Variants in DTD1 observed in about 807,000 individuals in gnomAD.
DTD1 encodes the protein D-aminoacyl-tRNA deacylase 1, also known as D-tyrosyl-tRNA deacylase 1 homolog.
DTD1 carries 13 observed loss-of-function variants against 25.6 expected under a neutral mutation model. The observed-to-expected ratio is 0.51, with a 90% CI of 0.33 to 0.81. The LOEUF is 0.81. Among genes scored for constraint, DTD1 ranks in the 30% least tolerant of loss-of-function variants. DTD1 has a pLI of 0.02. For missense variants in DTD1, 193 were observed against 266.4 expected (o/e 0.72, Z 1.92); for synonymous variants, 110 against 103.6 (o/e 1.06, Z -0.37).
At chr20:18,672,198 C>T (rs1356347318) in intron 4 of DTD1, among the ~76,000 whole-genome samples, 1 of 152,138 alleles carries the variant, frequency 6.6e-6, no homozygotes, top group Non-Finnish European at 1.5e-5. Flanking sequence ...TGCACTACTG[C>T]ACTCTAGCCC....
chr20:18,641,167 A>G (rs769993492), intron 4 of DTD1, among the ~76,000 whole-genome samples: 17 of 152,340 alleles, frequency 1.1e-4, no homozygotes, highest in Admixed American at 5.2e-4. Flanking sequence ...TTATGTTCAT[A>G]GCATGTGTCA....
At chr20:18,695,496 T>TTC (rs2061070448) in intron 4 of DTD1, among the ~76,000 whole-genome samples, 3 of 50,086 alleles carry the variant, frequency 6.0e-5, no homozygotes, top group African/African-American at 1.2e-4. Flanking sequence ...CTTCCTTTCC[T>TTC]TTCCCTTCCC....
intron 4 of DTD1, among the ~76,000 whole-genome samples, chr20:18,712,536 C>T (rs1052641051): frequency 1.3e-5 from 2 of 152,128 alleles, no homozygotes; most frequent in African/African-American, 4.8e-5. Context: ...ATCATTGGAT[C>T]ATAAGTCAGC....
At chr20:18,600,172 GTCA>G (rs1383060090) in intron 3 of DTD1, among the ~76,000 whole-genome samples, 1 of 152,102 alleles carries the variant, frequency 6.6e-6, no homozygotes, top group African/African-American at 2.4e-5. Context: ...TATCTAAAAA[GTCA>G]TCATCCTACC....
chr20:18,647,947 A>G (rs2060856332), intron 4 of DTD1, among the ~76,000 whole-genome samples: 1 of 152,108 alleles, frequency 6.6e-6, no homozygotes, highest in African/African-American at 2.4e-5. Context: ...GGTGTCATCA[A>G]CCTAGATGGG....
At chr20:18,681,990 C>G (rs1000930992) in intron 4 of DTD1, among the ~76,000 whole-genome samples, 5 of 152,148 alleles carry the variant, frequency 3.3e-5, no homozygotes, top group African/African-American at 1.2e-4. Context: ...GGCAGCGGTG[C>G]CACTAGCCAT....
At chr20:18,728,307 C>G (rs75514714) in intron 4 of DTD1, among the ~76,000 whole-genome samples, 2,918 of 152,268 alleles carry the variant, frequency 0.019, 52 homozygotes, top group South Asian at 0.044. Flanking sequence ...ACAGCAAGAC[C>G]TGGCTGGGGG....
rs529565912 is a variant in DTD1, at chr20:18,592,880, G to A, written c.44-851G>A. Reference sequence around the variant, plus strand: ...GTATTTTTATTAGAGATGGGATTTCGCCATGTTGGCCAAGCTGGTCTCGAA... The same window carrying A: ...GTATTTTTATTAGAGATGGGATTTCACCATGTTGGCCAAGCTGGTCTCGAA... On this transcript the variant is annotated intron_variant, in intron 1 of 5. Transcript: ENST00000377452. Among the ~76,000 whole-genome samples, 175 of 151,826 alleles carry A rather than the reference G, an allele frequency of 1.2e-3. 1 individual carries two copies. Among genetic ancestry groups the A allele is most frequent in the African/African-American group, 3.6e-3 (147 of 41,394 alleles).
At chr20:18,596,948 C>T (rs928115994) in intron 3 of DTD1, among the ~76,000 whole-genome samples, 11 of 152,164 alleles carry the variant, frequency 7.2e-5, no homozygotes, top group African/African-American at 2.7e-4. Context: ...ACATCATTAT[C>T]ACCCACAGTC....
At chr20:18,658,225 G>GTT (rs2060897715) in intron 4 of DTD1, among the ~76,000 whole-genome samples, 1 of 144,526 alleles carries the variant, frequency 6.9e-6, no homozygotes, top group East Asian at 2.0e-4. Flanking sequence ...GTGTGTGTGT[G>GTT]TGTTTCCCCC....
intron 4 of DTD1, among the ~76,000 whole-genome samples, chr20:18,637,540 T>C (rs2060811934): frequency 6.6e-6 from 1 of 152,226 alleles, no homozygotes; most frequent in African/African-American, 2.4e-5. Context: ...GACTTGTAGT[T>C]GAAAGTAATT....
intron 3 of DTD1, among the ~76,000 whole-genome samples, chr20:18,617,187 C>G (rs1374598283): frequency 6.6e-6 from 1 of 152,006 alleles, no homozygotes; most frequent in Non-Finnish European, 1.5e-5. Flanking sequence ...AAAGAAACTT[C>G]TGTTCAGTGT....
Position 18,765,429 on chromosome 20 carries a change from T to G in DTD1, c.*2089T>G, listed in dbSNP as rs991831928. On this transcript the variant is annotated 3_prime_UTR_variant, in exon 6 of 6. Coordinates refer to ENST00000377452, the MANE Select transcript of DTD1 (RefSeq NM_080820.6). Reference sequence around the variant, plus strand: ...ATTAATTAAAACATCTTCCTCACAGTATGCAGGAACATGGTAAAAGAAAGC... The same window carrying G: ...ATTAATTAAAACATCTTCCTCACAGGATGCAGGAACATGGTAAAAGAAAGC... The G allele has an allele frequency of 2.0e-5, 3 of 152,220 alleles. No individual in the cohort carries two copies. The highest frequency in any genetic ancestry group is 2.9e-5 in the Non-Finnish European group (2 of 68,032). The allele number at this position is 152,220 out of a possible 1,614,324, so 9.4% of individuals were successfully genotyped here. A position where few individuals can be genotyped will look rare whatever the true frequency, so the allele number is the denominator to read the frequency against.
intron 3 of DTD1, among the ~76,000 whole-genome samples, chr20:18,607,700 C>CT (rs2060666362): frequency 6.6e-6 from 1 of 151,744 alleles, no homozygotes; most frequent in Non-Finnish European, 1.5e-5. Flanking sequence ...TCCAAATTGT[C>CT]TTTTTCTTCT....
chr20:18,638,685 G>C (rs1482345425), intron 4 of DTD1, among the ~76,000 whole-genome samples: 1 of 152,186 alleles, frequency 6.6e-6, no homozygotes, highest in Admixed American at 6.5e-5. Context: ...CCAAGGTAAG[G>C]AATTTGGCTT....
intron 3 of DTD1, among the ~76,000 whole-genome samples, chr20:18,614,865 C>CCCTT (rs762324863): frequency 2.0e-5 from 3 of 151,732 alleles, no homozygotes; most frequent in African/African-American, 7.3e-5. Flanking sequence ...CTCCTTCAAT[C>CCCTT]CCTTCCTTCC....
intron 4 of DTD1, among the ~76,000 whole-genome samples, chr20:18,649,766 G>A (rs116872652): frequency 0.012 from 1,754 of 152,300 alleles, 13 homozygotes; most frequent in Admixed American, 0.015. Flanking sequence ...CCCATGCGTT[G>A]TGGGCCCACC....
chr20:18,613,963 T>C lies in DTD1; in HGVS notation c.371-14164T>C, dbSNP rs1240749119. On this transcript the variant is annotated intron_variant, in intron 3 of 5. Coordinates refer to ENST00000377452, the MANE Select transcript of DTD1 (RefSeq NM_080820.6). Reference sequence around the variant, plus strand: ...TGGAAACACCCCCACTGTTTTTCTTTTATATTTTACATAAAGTGTAAAAGA... The same window carrying C: ...TGGAAACACCCCCACTGTTTTTCTTCTATATTTTACATAAAGTGTAAAAGA... 2.0e-5 allele frequency among the ~76,000 whole-genome samples: 3 copies of C among 152,202 alleles called. No individual in the cohort carries two copies. The East Asian group carries it at 5.8e-4, about 29-fold the overall frequency.
intron 4 of DTD1, among the ~76,000 whole-genome samples, chr20:18,672,563 A>G (rs2060954748): frequency 6.6e-6 from 1 of 152,216 alleles, no homozygotes. Context: ...GTATTTTATA[A>G]CAGTTTCCAA....
Sources: gnomAD v4.1 joint callset for allele counts (sites outside exome capture counted in the v4.1 genomes callset) on GRCh38, gnomAD v4.1.1 for gene constraint, MANE v1.5 for transcripts, NCBI Gene and HGNC (gene_info 2026-07-23, HGNC 2026-07-21) for gene names.